RAD23B: variants seen among roughly 807,000 people sequenced by gnomAD.
The protein encoded by RAD23B is RAD23 nucleotide excision repair protein B, also known as lysine-specific demethylase RAD23B.
RAD23B carries 5 observed loss-of-function variants against 49.1 expected under a neutral mutation model. That is an observed-to-expected ratio of 0.10 (90% CI 0.05 to 0.21). The LOEUF is 0.21. Among genes scored for constraint, RAD23B ranks in the 10% least tolerant of loss-of-function variants. RAD23B has a pLI of 1.00. For missense variants in RAD23B, 356 were observed against 486.7 expected (o/e 0.73, Z 2.53); for synonymous variants, 184 against 165.4 (o/e 1.11, Z -0.86).
intron 4 of RAD23B, 45 bp from the exon 5 acceptor site, chr9:107,311,637 T>G: frequency 7.2e-7 from 1 of 1,396,738 alleles, no homozygotes; most frequent in Non-Finnish European, 9.8e-7. Context: ...TAAATTAAAT[T>G]TTATATACTT....
rs1827038073 is a variant in RAD23B, at chr9:107,318,453, A to G, written c.554-299A>G. On this transcript the variant is annotated intron_variant, in intron 5 of 9. Transcript: ENST00000358015. This position sits in a 1 kb window ranked among gnomAD's most constrained non-coding sequence, Gnocchi z 4.3. ...GGATTCATGTCATTACACTGGACCC[A>G]CCTGGATAATCCAGAATGAGGTCTC... 6.6e-6 allele frequency among the ~76,000 whole-genome samples: 1 copy of G among 152,170 alleles called. No individual in the cohort carries two copies. The highest frequency in any genetic ancestry group is 3.2e-3 in the Middle Eastern group (1 of 316).
intron 6 of RAD23B, among the ~76,000 whole-genome samples, chr9:107,319,646 C>T (rs1315911967): frequency 6.6e-6 from 1 of 152,120 alleles, no homozygotes; most frequent in Non-Finnish European, 1.5e-5. Context: ...CACTCTGTTA[C>T]CAACGTAACA....
At chr9:107,283,765 C>T (rs985104745) in intron 1 of RAD23B, 70 bp downstream of exon 1, 12 of 1,271,688 alleles carry the variant, frequency 9.4e-6, no homozygotes, top group Non-Finnish European at 1.2e-5. Context: ...CTCGTGGGGC[C>T]GGGCGGCGCG....
At chr9:107,283,775 G>T (rs915001917) in intron 1 of RAD23B, 80 bp downstream of exon 1, 189 of 1,241,794 alleles carry the variant, frequency 1.5e-4, no homozygotes, top group Non-Finnish European at 1.8e-4. Context: ...CGGGCGGCGC[G>T]CTCCAGCGGG....
At chr9:107,299,274 A>G (rs571798432) in intron 1 of RAD23B, among the ~76,000 whole-genome samples, 1 of 152,318 alleles carries the variant, frequency 6.6e-6, no homozygotes, top group East Asian at 1.9e-4. Context: ...TTCAAGAAGT[A>G]TTGAATTTTT....
In RAD23B at chr9:107,318,991, A is replaced by T; in HGVS notation, c.681+112A>T. The T allele has an allele frequency of 1.9e-6, 2 of 1,033,040 alleles. No homozygotes were observed. The highest frequency in any genetic ancestry group is 5.8e-5 in the East Asian group (2 of 34,254). The allele number at this position is 1,033,040 out of a possible 1,614,324, so 64.0% of individuals were successfully genotyped here. On this transcript the variant is annotated intron_variant, in intron 6 of 9. Transcript: ENST00000358015. The surrounding 1 kb of genome is among the most constrained non-coding windows in gnomAD (Gnocchi z 4.3). ...CACTGATATATGCTAGATGATATACATAATGCTTTTTTTTTTCTAGTATGT... is the reference window on the plus strand; with the variant it reads ...CACTGATATATGCTAGATGATATACTTAATGCTTTTTTTTTTCTAGTATGT...
rs1237722495 is a variant in RAD23B, at chr9:107,293,806, CAG to C, written c.67-6332_67-6331del. ...AAAAATGACTGCTTTTTTAAAGAGA[CAG>C]AGTCTTGCTCTGTTGCTCAGGCTGG... On this transcript the variant is annotated intron_variant, in intron 1 of 9. Coordinates refer to ENST00000358015, the MANE Select transcript of RAD23B (RefSeq NM_002874.5). 2.0e-5 allele frequency among the ~76,000 whole-genome samples: 3 copies of C among 152,296 alleles called. No individual in the cohort carries two copies. In the East Asian group the frequency reaches 5.8e-4, roughly 29 times the overall value.
chr9:107,300,068 T>C (rs1826616166), intron 1 of RAD23B, 73 bp from the exon 2 acceptor site: 1 of 1,531,002 alleles, frequency 6.5e-7, no homozygotes, highest in Admixed American at 2.2e-5. Flanking sequence ...TTGTCTTCCA[T>C]TATTTATTCA....
At chr9:107,284,147 T>G (rs992320071) in intron 1 of RAD23B, 2 of 988,028 alleles carry the variant, frequency 2.0e-6, no homozygotes, top group Non-Finnish European at 2.4e-6. Context: ...AGATGAGCCT[T>G]AAGAAAAAAA....
intron 6 of RAD23B, among the ~76,000 whole-genome samples, chr9:107,319,478 G>A (rs1303284681): frequency 6.6e-6 from 1 of 152,020 alleles, no homozygotes; most frequent in Non-Finnish European, 1.5e-5. Flanking sequence ...CTTATACTGT[G>A]TATATTTCTG....
intron 1 of RAD23B, chr9:107,284,756 T>C: frequency 9.1e-6 from 10 of 1,096,382 alleles, no homozygotes; most frequent in Non-Finnish European, 1.1e-5. Context: ...TAGTTGATTC[T>C]ATTTTGGGTG....
At chr9:107,312,926 G>A (rs1167393916) in intron 5 of RAD23B, among the ~76,000 whole-genome samples, 3 of 152,178 alleles carry the variant, frequency 2.0e-5, no homozygotes, top group Non-Finnish European at 2.9e-5. Context: ...AGGCCATGCT[G>A]TAGCTGCTGC....
Position 107,322,607 on chromosome 9 carries a change from C to T in RAD23B, c.817+489C>T, listed in dbSNP as rs535385683. Among the ~76,000 whole-genome samples, 3 of 152,232 alleles carry T rather than the reference C, an allele frequency of 2.0e-5. No individual in the cohort carries two copies. The South Asian group carries it at 6.2e-4, about 32-fold the overall frequency. ...TCTCTTTACTGGGGTGCTGACCATA[C>T]CCCACACATTGCTATAGGTCTGACT... On this transcript the variant is annotated intron_variant, in intron 7 of 9. Coordinates refer to ENST00000358015, the MANE Select transcript of RAD23B (RefSeq NM_002874.5).
intron 4 of RAD23B, among the ~76,000 whole-genome samples, chr9:107,308,514 C>T (rs977371000): frequency 1.9e-4 from 29 of 152,340 alleles, no homozygotes; most frequent in African/African-American, 6.3e-4. Flanking sequence ...CCACCATGCC[C>T]AGCCCATTAA....
intron 3 of RAD23B, among the ~76,000 whole-genome samples, chr9:107,305,150 G>T (rs1826736467): frequency 6.6e-6 from 1 of 151,970 alleles, no homozygotes; most frequent in African/African-American, 2.4e-5. Context: ...CAAAAATTTA[G>T]CAGGGAGTGG....
At chr9:107,289,438 A>C (rs1383571074) in intron 1 of RAD23B, among the ~76,000 whole-genome samples, 1 of 152,048 alleles carries the variant, frequency 6.6e-6, no homozygotes, top group African/African-American at 2.4e-5. Flanking sequence ...CTCCTGCCTC[A>C]GCCTCCTAAA....
At chr9:107,303,807 T>C (rs1240831159) in intron 3 of RAD23B, among the ~76,000 whole-genome samples, 3 of 152,210 alleles carry the variant, frequency 2.0e-5, no homozygotes, top group Non-Finnish European at 1.5e-5. Flanking sequence ...GCCACACATT[T>C]AAATATGTTT....
chr9:107,325,911 C>T (rs1054385955), intron 9 of RAD23B, among the ~76,000 whole-genome samples: 1 of 152,090 alleles, frequency 6.6e-6, no homozygotes, highest in Non-Finnish European at 1.5e-5. Flanking sequence ...AAGAAATTCT[C>T]TTCTGTTACT....
At chr9:107,297,161 C>CT (rs11380914) in intron 1 of RAD23B, among the ~76,000 whole-genome samples, 11,404 of 147,936 alleles carry the variant, frequency 0.077, 486 homozygotes, top group South Asian at 0.13. Flanking sequence ...CTCTTAATTT[C>CT]TTTTTTTTTT....
Sources: allele counts gnomAD v4.1 joint callset (sites outside exome capture counted in the v4.1 genomes callset), GRCh38; gene constraint gnomAD v4.1.1; non-coding constraint Gnocchi (gnomAD v3.1); transcripts MANE v1.5; gene names NCBI Gene and HGNC (gene_info 2026-07-23, HGNC 2026-07-21).